ZBTB20: variants seen among roughly 807,000 people sequenced by gnomAD.
ZBTB20 encodes zinc finger and BTB domain-containing protein 20.
In ZBTB20, 9 loss-of-function variants were observed where a neutral mutation model predicts 56.9. The observed-to-expected ratio is 0.16, with a 90% CI of 0.10 to 0.28. The LOEUF (loss-of-function observed/expected upper bound fraction) is 0.28, where lower values mean the gene tolerates loss of function less well. Among genes scored for constraint, ZBTB20 ranks in the 10% least tolerant of loss-of-function variants. The pLI is 1.00. For missense variants in ZBTB20, 655 were observed against 1,003.0 expected, an observed-to-expected ratio of 0.65 and a Z score of 4.69; for synonymous variants, 417 against 420.7, an observed-to-expected ratio of 0.99 and a Z score of 0.11.
At chr3:115,068,225 T>C (rs1449367649) in intron 2 of ZBTB20, among the ~76,000 whole-genome samples, 7 of 151,930 alleles carry the variant, frequency 4.6e-5, no homozygotes, top group Non-Finnish European at 8.8e-5. Context: ...TATTGTATAG[T>C]ATATAAAGGC....
chr3:114,615,106 G>C (rs943413392), intron 6 of ZBTB20, among the ~76,000 whole-genome samples: 2 of 152,130 alleles, frequency 1.3e-5, no homozygotes, highest in African/African-American at 4.8e-5. Context: ...GTTCATGTGG[G>C]AGCATGAACA....
At chr3:114,925,885 T>A (rs974784979) in intron 3 of ZBTB20, among the ~76,000 whole-genome samples, 2 of 152,080 alleles carry the variant, frequency 1.3e-5, no homozygotes, top group Admixed American at 6.5e-5. Flanking sequence ...AGACTTGGAG[T>A]CCTTAACTTG....
At chr3:114,342,090 C>T (rs534387808) in intron 11 of ZBTB20, among the ~76,000 whole-genome samples, 14 of 152,288 alleles carry the variant, frequency 9.2e-5, no homozygotes, top group Non-Finnish European at 1.6e-4. Flanking sequence ...GTAGGTATTT[C>T]AGAAACTGTC....
intron 5 of ZBTB20, among the ~76,000 whole-genome samples, chr3:114,718,173 T>C (rs777909593): frequency 9.9e-5 from 15 of 152,180 alleles, no homozygotes; most frequent in Non-Finnish European, 2.2e-4. Context: ...TGAAAATTCA[T>C]AAGTGATCAT....
intron 6 of ZBTB20, among the ~76,000 whole-genome samples, chr3:114,664,515 T>C (rs1318632984): frequency 6.6e-6 from 1 of 151,992 alleles, no homozygotes; most frequent in African/African-American, 2.4e-5. Flanking sequence ...GAAATAAAAG[T>C]ATTTTTGTGT....
rs2078673062 is a variant in ZBTB20, at chr3:114,316,035, A to G, written c.*22970T>C. The G allele has an allele frequency of 5.6e-6, 1 of 177,630 alleles. No individual in the cohort carries two copies. Among genetic ancestry groups the G allele is most frequent in the South Asian group, 1.3e-4 (1 of 7,720 alleles). The allele number at this position is 177,630 out of a possible 1,614,324, so 11.0% of individuals were successfully genotyped here. ...GATTTTCACATGGTAGTTCTGAGTC[A>G]GGCCAAAGGTTTTGAGGTTTCTGAC... On this transcript the variant is annotated 3_prime_UTR_variant, in exon 12 of 12. Coordinates refer to ENST00000675478, the MANE Select transcript of ZBTB20 (RefSeq NM_001348800.3).
chr3:114,772,551 C>T (rs571520439), intron 5 of ZBTB20, among the ~76,000 whole-genome samples: 15 of 151,848 alleles, frequency 9.9e-5, no homozygotes, highest in Admixed American at 3.3e-4. Context: ...TTCCCTCGCC[C>T]CTAGTTATTC....
intron 2 of ZBTB20, among the ~76,000 whole-genome samples, chr3:115,025,708 T>C (rs2080396760): frequency 6.6e-6 from 1 of 150,610 alleles, no homozygotes; most frequent in African/African-American, 2.4e-5. Flanking sequence ...ATGAAGGGTT[T>C]AAATAAGAAA....
intron 2 of ZBTB20, among the ~76,000 whole-genome samples, chr3:115,068,019 T>TCAAACATATCCAAAA (rs1165215817): frequency 2.6e-5 from 4 of 152,082 alleles, no homozygotes. Context: ...AAACTGAAAC[T>TCAAACATATCCAAAA]GGTTCTTTTC....
intron 5 of ZBTB20, among the ~76,000 whole-genome samples, chr3:114,733,927 A>G (rs1443872016): frequency 1.3e-5 from 2 of 152,140 alleles, no homozygotes; most frequent in South Asian, 2.1e-4. Flanking sequence ...AACAAAAATA[A>G]AAACAAAGTC....
chr3:114,573,816 T>C (rs10514756), intron 6 of ZBTB20, among the ~76,000 whole-genome samples: 4,683 of 152,236 alleles, frequency 0.031, 114 homozygotes, highest in South Asian at 0.11. Context: ...AAATTTGAGA[T>C]TCAGTGTTTA....
At chr3:114,708,488 A>G (rs2063854622) in intron 5 of ZBTB20, among the ~76,000 whole-genome samples, 1 of 152,200 alleles carries the variant, frequency 6.6e-6, no homozygotes. Flanking sequence ...AGATCTACAC[A>G]AAGATTTAGA....
At chr3:115,024,810 T>C (rs2080350935) in intron 2 of ZBTB20, among the ~76,000 whole-genome samples, 1 of 151,164 alleles carries the variant, frequency 6.6e-6, no homozygotes, top group East Asian at 1.9e-4. Flanking sequence ...TTAAACAACA[T>C]AGCAGCTACA....
chr3:114,844,526 A>AAAAAAAC (rs2074568384), intron 4 of ZBTB20, among the ~76,000 whole-genome samples: 1 of 131,456 alleles, frequency 7.6e-6, no homozygotes, highest in African/African-American at 2.9e-5. Context: ...GTCTCAAAAA[A>AAAAAAAC]AAAAAAAAAA....
In ZBTB20 at chr3:114,910,327, ACAC is replaced by A. The variant is rs1443298074; in HGVS notation, c.-455-9988_-455-9986del. Among the ~76,000 whole-genome samples, 4 of 151,788 alleles carry A rather than the reference ACAC, an allele frequency of 2.6e-5. No homozygotes were observed. In the East Asian group the frequency reaches 5.8e-4, roughly 22 times the overall value. On this transcript the variant is annotated intron_variant, in intron 3 of 11. Coordinates refer to ENST00000675478, the MANE Select transcript of ZBTB20 (RefSeq NM_001348800.3). ...CGTGCACACACACACACACACACAC[ACAC>A]ATTACCAGGCCCAAATATATTTAAA...
At chr3:114,978,644 T>C (rs979223387) in intron 2 of ZBTB20, among the ~76,000 whole-genome samples, 7 of 150,078 alleles carry the variant, frequency 4.7e-5, no homozygotes, top group African/African-American at 1.7e-4. Flanking sequence ...TGTGCATATG[T>C]AAGTATAGAT....
chr3:114,734,309 A>C (rs1232046162), intron 5 of ZBTB20, among the ~76,000 whole-genome samples: 1 of 152,112 alleles, frequency 6.6e-6, no homozygotes, highest in Non-Finnish European at 1.5e-5. Context: ...TGTTATTACA[A>C]GTTAATTATG....
At chr3:114,733,275 C>T (rs957930850) in intron 5 of ZBTB20, among the ~76,000 whole-genome samples, 1 of 152,194 alleles carries the variant, frequency 6.6e-6, no homozygotes, top group Non-Finnish European at 1.5e-5. Context: ...TAAGGCTTGA[C>T]TTTCATAACA....
intron 2 of ZBTB20, among the ~76,000 whole-genome samples, chr3:115,003,188 A>ATCTTTTTTACG (rs2079321599): frequency 6.6e-6 from 1 of 151,646 alleles, no homozygotes; most frequent in Non-Finnish European, 1.5e-5. Context: ...TTTCTATGGC[A>ATCTTTTTTACG]GTGAAAGTAA....
Sources: gnomAD v4.1 joint callset for allele counts (sites outside exome capture counted in the v4.1 genomes callset) on GRCh38, gnomAD v4.1.1 for gene constraint, MANE v1.5 for transcripts, NCBI Gene and HGNC (gene_info 2026-07-23, HGNC 2026-07-21) for gene names.